RNF213: variants seen among roughly 807,000 people sequenced by gnomAD.
The protein encoded by RNF213 is ring finger protein 213.
In RNF213, 341 loss-of-function variants were observed where a neutral mutation model predicts 514.4. The ratio of observed to expected loss-of-function variants is 0.66; its 90% CI spans 0.61 to 0.73. The LOEUF is 0.73. Among genes scored for constraint, RNF213 ranks in the 30% least tolerant of loss-of-function variants. The pLI is 0.00. For synonymous variants in RNF213, 2,655 were observed against 2,658.2 expected (o/e 1.00, Z 0.04); for missense variants, 5,767 against 6,615.6 (o/e 0.87, Z 4.45).
Position 80,394,739 on chromosome 17 carries a change from G to A in RNF213, c.*1241G>A, listed in dbSNP as rs1331860105. On this transcript the variant is annotated 3_prime_UTR_variant, in exon 68 of 68. Coordinates refer to ENST00000582970, the MANE Select transcript of RNF213 (RefSeq NM_001256071.3). ...CACACCTTGAGCAGCGCCGGCAGGAGGCACGGAAGGAACTGTGCTCCGTTC... is the reference window on the plus strand; with the variant it reads ...CACACCTTGAGCAGCGCCGGCAGGAAGCACGGAAGGAACTGTGCTCCGTTC... The A allele has an allele frequency of 2.6e-5, 4 of 152,182 alleles. No homozygotes were observed. The highest frequency in any genetic ancestry group is 2.0e-4 in the Admixed American group (3 of 15,282). The allele number at this position is 152,182 out of a possible 1,614,324, so 9.4% of individuals were successfully genotyped here. A position where few individuals can be genotyped will look rare whatever the true frequency, so the allele number is the denominator to read the frequency against.
Position 80,393,933 on chromosome 17 carries a change from C to A in RNF213, c.*435C>A, listed in dbSNP as rs1358227850. The A allele has an allele frequency of 4.9e-6, 1 of 206,034 alleles. No individual in the cohort carries two copies. The highest frequency in any genetic ancestry group is 2.3e-5 in the African/African-American group (1 of 42,664). 12.8% of individuals were successfully genotyped at this position (206,034 alleles called of 1,614,324 possible). Reference sequence around the variant, plus strand: ...ATCTCATTTTCTTCTTTCTTCCATTCCCTTAAATTCTGAGTACTGTACATA... The same window carrying A: ...ATCTCATTTTCTTCTTTCTTCCATTACCTTAAATTCTGAGTACTGTACATA... On this transcript the variant is annotated 3_prime_UTR_variant, in exon 68 of 68. Coordinates refer to ENST00000582970, the MANE Select transcript of RNF213 (RefSeq NM_001256071.3).
At chr17:80,335,309 G>T (rs968471627) in intron 22 of RNF213, among the ~76,000 whole-genome samples, 1 of 152,134 alleles carries the variant, frequency 6.6e-6, no homozygotes, top group African/African-American at 2.4e-5. Context: ...CTTAGATGTC[G>T]TTGGCAGAGG....
chr17:80,390,012 G>C lies in RNF213; in HGVS notation c.15286G>C (p.Glu5096Gln). ...KSEQLLRLHKEPFGEISSRYK... is the reference protein window; with the variant it reads ...KSEQLLRLHKQPFGEISSRYK... ...TTCATTTGCTCTTCCGTCGTTTTAG[G>C]AGCCATTTGGGGAAATCAGTTCAAG... The change falls in exon 67 of 68, where the codon GAG (glutamate) becomes CAG (glutamine). Residue 5096 changes from glutamate to glutamine, a missense_variant and splice_region_variant. Physicochemically the swap from Glu to Gln is conservative, Grantham distance 29 (BLOSUM62 2). This residue lies in a region of RNF213 where 1,245 missense variants were observed against 1,339.0 expected (regional missense o/e 0.93). Transcript: ENST00000582970. 6.2e-7 allele frequency: 1 copy of C among 1,614,190 alleles called. No homozygotes were observed. The highest frequency in any genetic ancestry group is 8.5e-7 in the Non-Finnish European group (1 of 1,180,040).
Position 80,386,411 on chromosome 17 carries a change from C to G in RNF213, c.14701C>G (p.Leu4901Val). The change falls in exon 62 of 68, where the codon CTC becomes GTC. Residue 4901 changes from leucine to valine, a missense_variant. Around this residue, in one of 13 missense-constraint regions of RNF213, gnomAD observed 1,245 missense variants for 1,339.0 expected, o/e 0.93. Transcript: ENST00000582970. ...TGAAATTGTCTACGCCGTGGAAAAA[C>G]TCTCCAAGGAAAACAACAGGTTTGT... ...HNEIVYAVEK[L>V]SKENNSYSVD... 5 of 1,614,154 alleles carry G rather than the reference C, an allele frequency of 3.1e-6. No homozygotes were observed. The highest frequency in any genetic ancestry group is 4.2e-6 in the Non-Finnish European group (5 of 1,180,026).
chr17:80,322,704 C>T (rs539652546), intron 17 of RNF213, among the ~76,000 whole-genome samples: 12 of 152,262 alleles, frequency 7.9e-5, no homozygotes, highest in African/African-American at 1.4e-4. Flanking sequence ...CATGAGCCAC[C>T]GCACCTGGCC....
intron 2 of RNF213, among the ~76,000 whole-genome samples, chr17:80,272,944 C>T (rs979240680): frequency 3.3e-5 from 5 of 152,106 alleles, no homozygotes; most frequent in East Asian, 1.9e-4. Context: ...GCGCTGACAT[C>T]CTAGTACAGA....
At chr17:80,262,983 G>A (rs2043477428) in intron 1 of RNF213, among the ~76,000 whole-genome samples, 1 of 152,204 alleles carries the variant, frequency 6.6e-6, no homozygotes, top group Non-Finnish European at 1.5e-5. Flanking sequence ...TGGGGAGGGA[G>A]AGAGTCAGGT....
chr17:80,300,199 A>G (rs566940031), intron 11 of RNF213, among the ~76,000 whole-genome samples: 15 of 151,928 alleles, frequency 9.9e-5, no homozygotes, highest in Non-Finnish European at 1.9e-4. Flanking sequence ...CCGCAACCTC[A>G]CCAGCATCTG....
chr17:80,302,123 G>T (rs1457879585), intron 11 of RNF213, among the ~76,000 whole-genome samples: 1 of 152,192 alleles, frequency 6.6e-6, no homozygotes. Flanking sequence ...GTTACGAGAG[G>T]CGAGGAAGGA....
At chr17:80,322,326 A>C (rs1480921124) in intron 17 of RNF213, among the ~76,000 whole-genome samples, 1 of 151,756 alleles carries the variant, frequency 6.6e-6, no homozygotes, top group Non-Finnish European at 1.5e-5. Context: ...ATGTTCAGCT[A>C]ATTAAAAAAA....
chr17:80,271,774 C>G (rs1224479251), intron 2 of RNF213, among the ~76,000 whole-genome samples: 2 of 150,670 alleles, frequency 1.3e-5, no homozygotes, highest in African/African-American at 4.9e-5. Context: ...GTCAGGAGTT[C>G]AAGACCAGCC....
Position 80,386,359 on chromosome 17 carries a change from C to A in RNF213, c.14649C>A (p.Leu4883=). Residue 4883 remains leucine (L), a synonymous_variant, in exon 62 of 68, where the codon CTC becomes CTA. Coordinates refer to ENST00000582970, the MANE Select transcript of RNF213 (RefSeq NM_001256071.3). The part of the protein sequence containing the change: ...RRGLGLCATA[L]VSYLIRLHNE... Reference sequence around the variant, plus strand: ...GCCTGGGCCTCTGTGCTACCGCTCTCGTCAGCTACTTGATTCGCCTACACA... The same window carrying A: ...GCCTGGGCCTCTGTGCTACCGCTCTAGTCAGCTACTTGATTCGCCTACACA... 6.2e-7 allele frequency: 1 copy of A among 1,614,170 alleles called. No individual in the cohort carries two copies. The highest frequency in any genetic ancestry group is 8.5e-7 in the Non-Finnish European group (1 of 1,180,032).
In RNF213 at chr17:80,309,169, G is replaced by C. The variant is rs1427283753; in HGVS notation, c.2653G>C (p.Val885Leu). ...CAGAATGATTAGACTTCTATCTCTGGTGGTAAGTGGAGTCAACACACAAGG... is the reference window on the plus strand; with the variant it reads ...CAGAATGATTAGACTTCTATCTCTGCTGGTAAGTGGAGTCAACACACAAGG... ...VCRMIRLLSL[V>L]DSAGQRDETG... Residue 885 changes from valine to leucine, a missense_variant and splice_region_variant, in exon 14 of 68, where the codon GTG becomes CTG. Physicochemically the swap from Val to Leu is conservative, Grantham distance 32. Coordinates refer to ENST00000582970, the MANE Select transcript of RNF213 (RefSeq NM_001256071.3). 4 of 1,614,200 alleles carry C rather than the reference G, an allele frequency of 2.5e-6. No individual in the cohort carries two copies. The highest frequency in any genetic ancestry group is 3.4e-6 in the Non-Finnish European group (4 of 1,180,048).
chr17:80,326,618 G>A (rs1439002866), intron 18 of RNF213, among the ~76,000 whole-genome samples: 4 of 152,088 alleles, frequency 2.6e-5, no homozygotes, highest in Admixed American at 6.5e-5. Flanking sequence ...ATTTCCTTTA[G>A]TCTTTTCCAG....
chr17:80,384,019 T>C, intron 59 of RNF213, 91 bp downstream of exon 59: 2 of 1,484,176 alleles, frequency 1.3e-6, no homozygotes, highest in Non-Finnish European at 1.9e-6. Context: ...AGTATAATCA[T>C]TCTTAACAGA....
Position 80,288,452 on chromosome 17 carries a change from C to G in RNF213, c.810+89C>G. 1.9e-6 allele frequency: 3 copies of G among 1,598,452 alleles called. No individual in the cohort carries two copies. The highest frequency in any genetic ancestry group is 1.3e-5 in the African/African-American group (1 of 74,792). ...CAAGGTGCTGGCGTTGCTTCCCTGC[C>G]GGGGGGAGGGGCGTCCTCTGGGCCC... On this transcript the variant is annotated intron_variant, in intron 4 of 67. Transcript: ENST00000582970. This position sits in a 1 kb window ranked among gnomAD's most constrained non-coding sequence, Gnocchi z 4.9.
chr17:80,388,923 T>C, intron 64 of RNF213: 3 of 624,102 alleles, frequency 4.8e-6, no homozygotes, highest in Admixed American at 5.2e-5. Context: ...TGCATGGCCA[T>C]GCCTGCTGAA....
At chr17:80,363,026 G>A (rs2079113041) in intron 39 of RNF213, 76 bp from the exon 40 acceptor site, 1 of 1,344,908 alleles carries the variant, frequency 7.4e-7, no homozygotes. Flanking sequence ...TTTTCCAATA[G>A]TTCGGATTTC....
At chr17:80,274,172 G>A (rs1388883737) in intron 3 of RNF213, among the ~76,000 whole-genome samples, 1 of 152,110 alleles carries the variant, frequency 6.6e-6, no homozygotes, top group African/African-American at 2.4e-5. Context: ...TGAAGCTTTG[G>A]GTGTGGGGTG....
Sources: gnomAD v4.1 joint callset for allele counts (sites outside exome capture counted in the v4.1 genomes callset) on GRCh38, gnomAD v4.1.1 for gene constraint, gnomAD v4.1.1 regional missense constraint, Gnocchi (gnomAD v3.1) non-coding constraint, MANE v1.5 for transcripts, NCBI Gene and HGNC (gene_info 2026-07-23, HGNC 2026-07-21) for gene names.